RALGPS2: variants seen among roughly 807,000 people sequenced by gnomAD.
RALGPS2 encodes ras-specific guanine nucleotide-releasing factor RalGPS2.
RALGPS2 carries 43 observed loss-of-function variants against 86.8 expected under a neutral mutation model. The ratio of observed to expected loss-of-function variants is 0.50; its 90% CI spans 0.39 to 0.64. The LOEUF (loss-of-function observed/expected upper bound fraction) is 0.64. Among genes scored for constraint, RALGPS2 ranks in the 30% least tolerant of loss-of-function variants. The pLI, the probability that RALGPS2 is intolerant of heterozygous loss-of-function variation, is 0.00. For missense variants in RALGPS2, 536 were observed against 694.6 expected (o/e 0.77, Z 2.57); for synonymous variants, 243 against 231.3 (o/e 1.05, Z -0.46).
chr1:178,871,776 G>C (rs1658773078), intron 8 of RALGPS2, among the ~76,000 whole-genome samples: 1 of 152,088 alleles, frequency 6.6e-6, no homozygotes, highest in South Asian at 2.1e-4. Context: ...ATGTGGTGTG[G>C]TTTAAAAACA....
At chr1:178,839,293 A>G (rs1010180330) in intron 8 of RALGPS2, among the ~76,000 whole-genome samples, 3 of 152,264 alleles carry the variant, frequency 2.0e-5, no homozygotes, top group Non-Finnish European at 4.4e-5. Context: ...AGGGAAGCCC[A>G]TCAAACTAAC....
intron 14 of RALGPS2, among the ~76,000 whole-genome samples, 194 bp from the exon 15 acceptor site, chr1:178,892,036 T>C (rs1229554704): frequency 6.6e-6 from 1 of 151,930 alleles, no homozygotes; most frequent in Non-Finnish European, 1.5e-5. Context: ...CTAGAGTCAA[T>C]AGTAGAAGAA....
chr1:178,856,122 A>G (rs1343358180), intron 8 of RALGPS2, among the ~76,000 whole-genome samples: 3 of 148,298 alleles, frequency 2.0e-5, no homozygotes, highest in African/African-American at 7.4e-5. Flanking sequence ...TTATCCTTAT[A>G]AGAATTTCTG....
intron 4 of RALGPS2, among the ~76,000 whole-genome samples, chr1:178,806,354 G>C (rs1654739679): frequency 2.0e-5 from 3 of 152,070 alleles, no homozygotes; most frequent in African/African-American, 7.2e-5. Context: ...AACTTCCAGT[G>C]CTGCTATTAA....
intron 19 of RALGPS2, among the ~76,000 whole-genome samples, chr1:178,913,598 G>C (rs1394971841): frequency 6.6e-6 from 1 of 152,204 alleles, no homozygotes; most frequent in Non-Finnish European, 1.5e-5. Context: ...TTTCTCATCT[G>C]TGAGGGCTGA....
At chr1:178,874,100 G>T (rs909378871) in intron 8 of RALGPS2, among the ~76,000 whole-genome samples, 22 of 152,058 alleles carry the variant, frequency 1.4e-4, no homozygotes, top group Non-Finnish European at 4.4e-5. Context: ...GCAAAAGTAG[G>T]AATACAGACA....
chr1:178,876,330 G>C (rs137973360), intron 8 of RALGPS2, among the ~76,000 whole-genome samples: 1 of 152,134 alleles, frequency 6.6e-6, no homozygotes, highest in African/African-American at 2.4e-5. Context: ...TTTAAATTGG[G>C]CTATAAGTGA....
At chr1:178,788,876 T>TTTTC (rs1212960417) in intron 4 of RALGPS2, among the ~76,000 whole-genome samples, 13 of 136,748 alleles carry the variant, frequency 9.5e-5, no homozygotes, top group Non-Finnish European at 2.1e-4. Flanking sequence ...TTTTCTTTTC[T>TTTTC]TTTCTTTCTT....
chr1:178,872,835 T>C (rs922311443), intron 8 of RALGPS2, among the ~76,000 whole-genome samples: 5 of 152,188 alleles, frequency 3.3e-5, no homozygotes, highest in African/African-American at 1.2e-4. Flanking sequence ...TGGTTAGATA[T>C]GTTAAATTGA....
intron 10 of RALGPS2, 46 bp downstream of exon 10, chr1:178,879,038 T>C (rs1270877163): frequency 1.3e-6 from 2 of 1,594,786 alleles, no homozygotes; most frequent in South Asian, 2.3e-5. Context: ...TGTCCTGTCC[T>C]CCACCTTTCT....
chr1:178,748,864 AAAG>A lies in RALGPS2; in HGVS notation c.-84+23449_-84+23451del, dbSNP rs1245087659. ...AGACTCTGTCTCAAAAAAAAAAAAA[AAAG>A]AAGGCAGGCACTTTGGGGGTGACTA... On this transcript the variant is annotated intron_variant, in intron 1 of 19. Transcript: ENST00000367635. Among the ~76,000 whole-genome samples the A allele has an allele frequency of 3.6e-3, 544 of 151,848 alleles. 6 individuals carry two copies. Among genetic ancestry groups the A allele is most frequent in the African/African-American group, 0.013 (517 of 41,310 alleles).
At chr1:178,886,213 G>GA (rs1659475875) in intron 13 of RALGPS2, 93 bp downstream of exon 13, 1 of 1,342,968 alleles carries the variant, frequency 7.4e-7, no homozygotes, top group African/African-American at 1.5e-5. Flanking sequence ...CACACACAGA[G>GA]AAAATTTGGT....
At chr1:178,776,928 A>G in intron 2 of RALGPS2, 107 bp downstream of exon 2, 2 of 809,016 alleles carry the variant, frequency 2.5e-6, no homozygotes, top group South Asian at 3.6e-5. Flanking sequence ...TTAGTGCAGA[A>G]ATACACATTT....
intron 1 of RALGPS2, among the ~76,000 whole-genome samples, chr1:178,740,542 A>C (rs1485941107): frequency 6.6e-6 from 1 of 152,312 alleles, no homozygotes; most frequent in African/African-American, 2.4e-5. Flanking sequence ...AAGGGAATGG[A>C]AAGTAGATGT....
At chr1:178,850,981 G>T in intron 8 of RALGPS2, 1 of 647,704 alleles carries the variant, frequency 1.5e-6, no homozygotes, top group Non-Finnish European at 2.3e-6. Flanking sequence ...TACATTTATA[G>T]GTTCCCTTTT....
At chr1:178,746,828 G>T (rs1651359686) in intron 1 of RALGPS2, 2 of 1,163,958 alleles carry the variant, frequency 1.7e-6, no homozygotes, top group Admixed American at 1.7e-5. Flanking sequence ...CTCCTCCATT[G>T]TATCTTGCAT....
At chr1:178,828,109 A>G (rs998115506) in intron 7 of RALGPS2, among the ~76,000 whole-genome samples, 11 of 152,386 alleles carry the variant, frequency 7.2e-5, no homozygotes, top group Middle Eastern at 6.8e-3. Context: ...GCAAAAATAT[A>G]CAAAATGGGA....
At chr1:178,747,032 T>C (rs769369888) in intron 1 of RALGPS2, 38 of 888,404 alleles carry the variant, frequency 4.3e-5, no homozygotes, top group South Asian at 2.9e-4. Context: ...CCTTCTGTTA[T>C]AGCCATGTAT....
At chr1:178,843,193 C>T (rs1656679635) in intron 8 of RALGPS2, among the ~76,000 whole-genome samples, 1 of 146,608 alleles carries the variant, frequency 6.8e-6, no homozygotes, top group Non-Finnish European at 1.5e-5. Context: ...GCTATAAAGA[C>T]ACATGCACAC....
Sources: gnomAD v4.1 joint callset for allele counts (sites outside exome capture counted in the v4.1 genomes callset) on GRCh38, gnomAD v4.1.1 for gene constraint, MANE v1.5 for transcripts, NCBI Gene and HGNC (gene_info 2026-07-23, HGNC 2026-07-21) for gene names.